Variants in SRFBP1 observed in about 807,000 individuals in gnomAD.
SRFBP1 encodes the protein serum response factor-binding protein 1.
Under a neutral mutation model 45.5 loss-of-function variants are expected in SRFBP1, and 47 were observed. The observed-to-expected ratio is 1.03, with a 90% CI of 0.82 to 1.32. The LOEUF (loss-of-function observed/expected upper bound fraction) is 1.32, where lower values mean the gene tolerates loss of function less well. SRFBP1 is among the 40% of genes most tolerant of loss of function. The pLI, the probability that SRFBP1 is intolerant of heterozygous loss-of-function variation, is 0.00. For synonymous variants in SRFBP1, 203 were observed against 166.3 expected, an observed-to-expected ratio of 1.22 and a Z score of -1.70; for missense variants, 621 against 484.6, an observed-to-expected ratio of 1.28 and a Z score of -2.64.
At chr5:122,026,908 T>C in intron 7 of SRFBP1, 34 bp from the exon 8 acceptor site, 1 of 1,486,874 alleles carries the variant, frequency 6.7e-7, no homozygotes, top group Non-Finnish European at 9.2e-7. Flanking sequence ...TCTTTAAGTA[T>C]ATAGTTATTA....
At chr5:121,981,398 G>A (rs1301428885) in intron 3 of SRFBP1, among the ~76,000 whole-genome samples, 1 of 151,824 alleles carries the variant, frequency 6.6e-6, no homozygotes, top group Non-Finnish European at 1.5e-5. Flanking sequence ...TCCTGCCTCT[G>A]GTCTCGCCTT....
intron 2 of SRFBP1, among the ~76,000 whole-genome samples, chr5:122,034,104 G>A (rs993672153): frequency 1.3e-5 from 2 of 152,178 alleles, no homozygotes; most frequent in Non-Finnish European, 2.9e-5. Context: ...GATTAAAGGC[G>A]TGAACCACTG....
At chr5:122,010,934 T>C (rs1369102280) in intron 4 of SRFBP1, among the ~76,000 whole-genome samples, 1 of 152,144 alleles carries the variant, frequency 6.6e-6, no homozygotes, top group Admixed American at 6.5e-5. Flanking sequence ...ATAATATAAT[T>C]GAGACTTTTT....
intron 1 of SRFBP1, among the ~76,000 whole-genome samples, chr5:121,972,348 C>T (rs555627672): frequency 1.3e-5 from 2 of 151,756 alleles, no homozygotes; most frequent in African/African-American, 4.8e-5. Flanking sequence ...ATTATTTTCT[C>T]CACACGATTG....
chr5:121,995,426 A>G (rs934336747), intron 4 of SRFBP1, among the ~76,000 whole-genome samples: 8 of 152,196 alleles, frequency 5.3e-5, no homozygotes, highest in Non-Finnish European at 1.0e-4. Context: ...TGGGTACACA[A>G]CGAAATGAAG....
intron 4 of SRFBP1, among the ~76,000 whole-genome samples, chr5:122,007,951 A>C (rs999430040): frequency 2.0e-5 from 3 of 151,582 alleles, no homozygotes; most frequent in African/African-American, 7.3e-5. Flanking sequence ...TGAAGCCTAG[A>C]GTTGTAAGAA....
At chr5:122,028,804 T>G (rs1178690800), downstream of SRFBP1, among the ~76,000 whole-genome samples, 3 of 152,168 alleles carry the variant, frequency 2.0e-5, no homozygotes, top group Admixed American at 6.5e-5. Context: ...GACTGTGAAG[T>G]TGGGGTCACT....
chr5:121,963,882 G>A (rs1163012539), intron 1 of SRFBP1, among the ~76,000 whole-genome samples: 1 of 151,656 alleles, frequency 6.6e-6, no homozygotes, highest in South Asian at 2.1e-4. Context: ...CAAAAGGAAA[G>A]AGAGATTTAT....
chr5:121,965,059 G>T (rs183920350), intron 1 of SRFBP1, among the ~76,000 whole-genome samples: 1 of 152,062 alleles, frequency 6.6e-6, no homozygotes, highest in Admixed American at 6.6e-5. Flanking sequence ...TTGTAAATTT[G>T]TTTAAGTTCT....
At chr5:122,076,859 C>A, downstream of SRFBP1, 1 of 1,593,828 alleles carries the variant, frequency 6.3e-7, no homozygotes, top group South Asian at 1.1e-5. Context: ...GAAGGTAGAC[C>A]GGGGAGCGGG....
chr5:122,040,277 T>C (rs1364694937), intron 2 of SRFBP1, among the ~76,000 whole-genome samples: 1 of 152,228 alleles, frequency 6.6e-6, no homozygotes, highest in East Asian at 1.9e-4. Context: ...TACTATAGAA[T>C]TGTAGAACAA....
intron 1 of SRFBP1, among the ~76,000 whole-genome samples, chr5:121,963,836 A>G (rs1349605409): frequency 6.6e-6 from 1 of 152,118 alleles, no homozygotes; most frequent in African/African-American, 2.4e-5. Flanking sequence ...ATGATGGAGG[A>G]TATTATAATT....
downstream of SRFBP1, chr5:122,077,768 C>T (rs766220173): frequency 1.9e-5 from 29 of 1,550,024 alleles, no homozygotes; most frequent in East Asian, 6.0e-4. This position sits in a 1 kb window ranked among gnomAD's most constrained non-coding sequence, Gnocchi z 4.9. Context: ...GACGGCGGCG[C>T]CCGGGTCCCG....
chr5:122,045,208 G>A (rs1053684395), intron 2 of SRFBP1, among the ~76,000 whole-genome samples: 2 of 151,990 alleles, frequency 1.3e-5, no homozygotes, highest in East Asian at 1.9e-4. Context: ...TTCTGTTTTG[G>A]TCTATGTGTC....
At chr5:122,001,982 A>G (rs1285446177) in intron 4 of SRFBP1, among the ~76,000 whole-genome samples, 1 of 152,234 alleles carries the variant, frequency 6.6e-6, no homozygotes, top group East Asian at 1.9e-4. Flanking sequence ...AGGTGTGTGT[A>G]AGAAAAAGAT....
intron 2 of SRFBP1, among the ~76,000 whole-genome samples, chr5:122,067,652 G>A (rs1442859508): frequency 6.6e-6 from 1 of 152,128 alleles, no homozygotes; most frequent in Non-Finnish European, 1.5e-5. Context: ...CTTCAGGGCT[G>A]TCTTCCATCT....
At position 122,019,651 on chromosome 5, in the gene SRFBP1, C is replaced by T. The variant is rs140613943; in HGVS notation, c.352+310C>T. On this transcript the variant is annotated intron_variant, in intron 5 of 7. Coordinates refer to ENST00000339397, the MANE Select transcript of SRFBP1 (RefSeq NM_152546.3). ...ACATAACTCATTAGTTTTGGTTTCG[C>T]CACTTAGGAACATAATTTTATATAT... 2.0e-3 allele frequency among the ~76,000 whole-genome samples: 308 copies of T among 150,410 alleles called. 2 individuals carry two copies. The highest frequency in any genetic ancestry group is 7.0e-3 in the African/African-American group (289 of 41,100).
downstream of SRFBP1, among the ~76,000 whole-genome samples, chr5:122,076,355 C>G (rs779237193): frequency 6.6e-6 from 1 of 152,162 alleles, no homozygotes. Context: ...CCCAGAGTTA[C>G]TATTTTATTT....
chr5:122,053,478 G>A (rs1376888775), intron 2 of SRFBP1, among the ~76,000 whole-genome samples: 2 of 152,164 alleles, frequency 1.3e-5, no homozygotes, highest in Non-Finnish European at 2.9e-5. Context: ...CTGAGTTCAT[G>A]CAGAAGTGGG....
Sources: gnomAD v4.1 joint callset for allele counts (sites outside exome capture counted in the v4.1 genomes callset) on GRCh38, gnomAD v4.1.1 for gene constraint, Gnocchi (gnomAD v3.1) non-coding constraint, MANE v1.5 for transcripts, NCBI Gene and HGNC (gene_info 2026-07-23, HGNC 2026-07-21) for gene names.